Variants in CDYL observed in about 807,000 individuals in gnomAD.
CDYL encodes the protein chromodomain Y like, also known as chromodomain Y-like protein.
CDYL carries 8 observed loss-of-function variants against 47.3 expected under a neutral mutation model. The ratio of observed to expected loss-of-function variants is 0.17; its 90% CI spans 0.10 to 0.31. The LOEUF is 0.31. Ranked by LOEUF, CDYL falls within the 10% of genes least tolerant of loss-of-function variation. The pLI is 1.00. For missense variants in CDYL, 471 were observed against 701.4 expected (o/e 0.67, Z 3.71); for synonymous variants, 266 against 265.0 (o/e 1.00, Z -0.04).
Position 4,715,946 on chromosome 6 carries a change from T to A in CDYL, c.103+65T>A, listed in dbSNP as rs1757249766. 23 of 1,563,478 alleles carry A rather than the reference T, an allele frequency of 1.5e-5. No homozygotes were observed. In the Middle Eastern group the frequency reaches 8.4e-4, roughly 57 times the overall value. ...GGCAGAATTCTTAGAGAGGCCCCTT[T>A]TATTTAAAAATGATTTTACTGGCCG... On this transcript the variant is annotated intron_variant, in intron 2 of 8. Transcript: ENST00000328908.
intron 3 of CDYL, among the ~76,000 whole-genome samples, chr6:4,745,933 A>C (rs1239245671): frequency 6.6e-6 from 1 of 152,212 alleles, no homozygotes; most frequent in African/African-American, 2.4e-5. Context: ...GATGATAACC[A>C]GAATGTGGGA....
At chr6:4,716,593 A>ATTTTTTTTTTTTTTTTTTTTTT (rs35154777) in intron 2 of CDYL, among the ~76,000 whole-genome samples, 3 of 120,004 alleles carry the variant, frequency 2.5e-5, no homozygotes, top group Non-Finnish European at 3.4e-5. Context: ...GGCAGCAATA[A>ATTTTTTTTTTTTTTTTTTTTTT]TTTTTTTTTT....
chr6:4,735,879 G>C (rs1757694223), intron 3 of CDYL, among the ~76,000 whole-genome samples: 1 of 148,758 alleles, frequency 6.7e-6, no homozygotes, highest in Admixed American at 6.9e-5. Flanking sequence ...CCCGCCCTCT[G>C]TATTTATGTG....
intron 1 of CDYL, among the ~76,000 whole-genome samples, chr6:4,789,498 G>A (rs1031719338): frequency 6.6e-6 from 1 of 152,122 alleles, no homozygotes; most frequent in South Asian, 2.1e-4. Context: ...CAGCCTCCCC[G>A]CCCTAGGCAT....
At chr6:4,724,625 T>C (rs1757457402) in intron 2 of CDYL, 2 of 152,470 alleles carry the variant, frequency 1.3e-5, no homozygotes, top group Admixed American at 6.5e-5. Context: ...GATGGGTTCG[T>C]GGTCTTGCTG....
intron 2 of CDYL, among the ~76,000 whole-genome samples, chr6:4,896,025 T>C (rs1253919912): frequency 6.6e-6 from 1 of 152,184 alleles, no homozygotes; most frequent in African/African-American, 2.4e-5. Flanking sequence ...AAAGCTATGA[T>C]CTCTACCCCT....
chr6:4,819,116 TTC>T (rs373718294), intron 1 of CDYL, among the ~76,000 whole-genome samples: 3,947 of 76,582 alleles, frequency 0.052, 110 homozygotes, highest in African/African-American at 0.065. Context: ...TTTAGGTTCG[TTC>T]TCTCTCTCTC....
intron 2 of CDYL, among the ~76,000 whole-genome samples, chr6:4,913,542 C>G (rs563948721): frequency 6.6e-6 from 1 of 152,314 alleles, no homozygotes; most frequent in African/African-American, 2.4e-5. Context: ...AACAGAAAGC[C>G]TGGTTGCATG....
At chr6:4,905,363 T>A (rs1165096184) in intron 2 of CDYL, among the ~76,000 whole-genome samples, 1 of 152,214 alleles carries the variant, frequency 6.6e-6, no homozygotes, top group Non-Finnish European at 1.5e-5. Context: ...ACGATGTGCC[T>A]GTGGGTGCCT....
At chr6:4,837,320 C>T (rs1301488161) in intron 1 of CDYL, among the ~76,000 whole-genome samples, 1 of 151,744 alleles carries the variant, frequency 6.6e-6, no homozygotes, top group African/African-American at 2.4e-5. Context: ...TTTTTTTTGA[C>T]CAATACATTT....
intron 1 of CDYL, among the ~76,000 whole-genome samples, chr6:4,872,909 T>G (rs1349862033): frequency 1.3e-5 from 2 of 152,264 alleles, no homozygotes; most frequent in African/African-American, 4.8e-5. Flanking sequence ...AATTTCTTTA[T>G]GGCTTCTTCA....
intron 5 of CDYL, among the ~76,000 whole-genome samples, chr6:4,950,461 C>T (rs1464397052): frequency 6.6e-6 from 1 of 152,210 alleles, no homozygotes; most frequent in Non-Finnish European, 1.5e-5. Context: ...GCACTTCGTG[C>T]GGCAGCAGCA....
rs1758819731 is a variant in CDYL at position 4,954,828 on chromosome 6, T to C, written c.*772T>C. The C allele has an allele frequency of 6.6e-6, 1 of 152,246 alleles. No homozygotes were observed. The highest frequency in any genetic ancestry group is 1.5e-5 in the Non-Finnish European group (1 of 68,050). 9.4% of individuals were successfully genotyped at this position (152,246 alleles called of 1,614,324 possible). Reference sequence around the variant, plus strand: ...ACTATCTAAGTTATAAGTTAGTCTTTAGTGGGTTTTAAATAGTTTTTCTGA... The same window carrying C: ...ACTATCTAAGTTATAAGTTAGTCTTCAGTGGGTTTTAAATAGTTTTTCTGA... On this transcript the variant is annotated 3_prime_UTR_variant, in exon 7 of 7. Transcript: ENST00000397588.
In CDYL at chr6:4,792,934, A is replaced by C. The variant is rs189535956; in HGVS notation, c.24+16127A>C. 8.9e-4 allele frequency among the ~76,000 whole-genome samples: 135 copies of C among 152,166 alleles called. 1 individual carries two copies. Among genetic ancestry groups the C allele is most frequent in the Non-Finnish European group, 1.5e-3 (105 of 67,986 alleles). ...ATAGGCACTGTTTAGTAAATAGACCATCTCTCCCCATTATTTGCCACCTCT... is the reference window on the plus strand; with the variant it reads ...ATAGGCACTGTTTAGTAAATAGACCCTCTCTCCCCATTATTTGCCACCTCT... On this transcript the variant is annotated intron_variant, in intron 1 of 6. Transcript: ENST00000397588.
At chr6:4,890,116 A>G in intron 1 of CDYL, 1 of 985,424 alleles carries the variant, frequency 1.0e-6, no homozygotes, top group Non-Finnish European at 1.2e-6. Flanking sequence ...TGGAGTGGAC[A>G]TTGATTTAAG....
intron 1 of CDYL, among the ~76,000 whole-genome samples, chr6:4,857,653 G>T (rs1015394826): frequency 1.3e-5 from 2 of 152,160 alleles, no homozygotes; most frequent in African/African-American, 4.8e-5. Flanking sequence ...GGTCTCCAGG[G>T]CATGACCTGT....
chr6:4,916,568 G>A (rs910423736), intron 2 of CDYL, among the ~76,000 whole-genome samples: 69 of 151,482 alleles, frequency 4.6e-4, no homozygotes, highest in African/African-American at 1.3e-3. Context: ...TAATTGAAAG[G>A]CCAACAGAAT....
intron 1 of CDYL, among the ~76,000 whole-genome samples, chr6:4,787,680 C>CA (rs938956042): frequency 6.6e-6 from 1 of 151,624 alleles, no homozygotes; most frequent in Non-Finnish European, 1.5e-5. Context: ...GCTGCCCCCT[C>CA]ACCTTTGACA....
intron 1 of CDYL, among the ~76,000 whole-genome samples, chr6:4,778,813 CCATTGAAAGTTGA>C (rs1561846348): frequency 2.0e-5 from 3 of 152,094 alleles, no homozygotes; most frequent in African/African-American, 7.2e-5. Context: ...GACTATGTTA[CCATTGAAAGTTGA>C]CATTGAAAGT....
Sources: allele counts gnomAD v4.1 joint callset (sites outside exome capture counted in the v4.1 genomes callset), GRCh38; gene constraint gnomAD v4.1.1; transcripts MANE v1.5; gene names NCBI Gene and HGNC (gene_info 2026-07-23, HGNC 2026-07-21).